The following SPAG16 variants were observed in gnomAD, a reference collection of about 807,000 sequenced individuals.
The protein encoded by SPAG16 is sperm associated antigen 16.
Under a neutral mutation model 80.4 loss-of-function variants are expected in SPAG16, and 86 were observed. That is an observed-to-expected ratio of 1.07 (90% CI 0.90 to 1.28). SPAG16 has a LOEUF of 1.28. SPAG16 is among the 50% of genes most tolerant of loss of function. The probability of loss-of-function intolerance (pLI) is 0.00; values close to 1 mark genes in which losing one functional copy is unlikely to be tolerated. For synonymous variants in SPAG16, 294 were observed against 265.9 expected (o/e 1.11, Z -1.03); for missense variants, 870 against 765.3 (o/e 1.14, Z -1.61).
At chr2:214,170,526 G>T (rs1228425358) in intron 15 of SPAG16, among the ~76,000 whole-genome samples, 1 of 151,888 alleles carries the variant, frequency 6.6e-6, no homozygotes, top group Non-Finnish European at 1.5e-5. Context: ...GTCCCTTGCT[G>T]GGTTGTATAT....
At chr2:213,689,527 GCTTTTTTT>G (rs2064844718) in intron 10 of SPAG16, among the ~76,000 whole-genome samples, 1 of 116,700 alleles carries the variant, frequency 8.6e-6, no homozygotes, top group Non-Finnish European at 1.7e-5. Flanking sequence ...TAGTGCTGGG[GCTTTTTTT>G]TTTTTTTTTT....
At chr2:214,182,747 A>G (rs578040272) in intron 15 of SPAG16, among the ~76,000 whole-genome samples, 1 of 152,056 alleles carries the variant, frequency 6.6e-6, no homozygotes, top group South Asian at 2.1e-4. Flanking sequence ...CTTGCTCTGT[A>G]TTTTAGCAAT....
intron 10 of SPAG16, among the ~76,000 whole-genome samples, chr2:213,551,056 T>C (rs879625228): frequency 3.3e-4 from 50 of 152,182 alleles, no homozygotes; most frequent in Admixed American, 3.9e-4. Flanking sequence ...ACCGTAATAG[T>C]CAGAGATTTG....
At chr2:214,197,668 TA>T (rs1234731912) in intron 15 of SPAG16, among the ~76,000 whole-genome samples, 1 of 151,972 alleles carries the variant, frequency 6.6e-6, no homozygotes, top group East Asian at 1.9e-4. Context: ...CTTTTAGAGG[TA>T]TTTTCTCAGA....
At chr2:213,715,490 G>T (rs909116939) in intron 10 of SPAG16, among the ~76,000 whole-genome samples, 3 of 152,128 alleles carry the variant, frequency 2.0e-5, no homozygotes, top group African/African-American at 7.2e-5. Flanking sequence ...AATAGCTTGG[G>T]TTCTAGCACC....
intron 9 of SPAG16, among the ~76,000 whole-genome samples, chr2:213,438,690 T>A (rs990216832): frequency 6.6e-6 from 1 of 152,212 alleles, no homozygotes; most frequent in Non-Finnish European, 1.5e-5. Context: ...TATGACGAGA[T>A]GGTACTCCTG....
At chr2:214,329,951 G>T (rs1696786328) in intron 15 of SPAG16, among the ~76,000 whole-genome samples, 2 of 151,948 alleles carry the variant, frequency 1.3e-5, no homozygotes, top group Admixed American at 1.3e-4. Context: ...GATTAAAGAG[G>T]CCAGAAAGTA....
chr2:213,997,125 G>T (rs1338989207), intron 12 of SPAG16, among the ~76,000 whole-genome samples: 1 of 152,068 alleles, frequency 6.6e-6, no homozygotes, highest in Non-Finnish European at 1.5e-5. Context: ...GGAAGTTCAA[G>T]CTAGGTTTAA....
intron 11 of SPAG16, among the ~76,000 whole-genome samples, chr2:213,921,970 G>T (rs2078244754): frequency 6.6e-6 from 1 of 151,952 alleles, no homozygotes; most frequent in African/African-American, 2.4e-5. Context: ...TCATTCATTT[G>T]GACCTTGGAG....
At chr2:214,380,052 C>G (rs569670096) in intron 15 of SPAG16, among the ~76,000 whole-genome samples, 1 of 152,264 alleles carries the variant, frequency 6.6e-6, no homozygotes, top group Non-Finnish European at 1.5e-5. Flanking sequence ...GACATAGTGC[C>G]TGACCCCTGG....
intron 10 of SPAG16, among the ~76,000 whole-genome samples, chr2:213,636,900 A>C: frequency 6.6e-6 from 1 of 152,122 alleles, no homozygotes; most frequent in Non-Finnish European, 1.5e-5. Context: ...AATTGGCAAA[A>C]AGTGACAATT....
chr2:213,577,954 C>T (rs1200236819), intron 10 of SPAG16, among the ~76,000 whole-genome samples: 1 of 152,022 alleles, frequency 6.6e-6, no homozygotes, highest in East Asian at 1.9e-4. Flanking sequence ...GAGGAACTTC[C>T]TCTGCTTGCA....
intron 8 of SPAG16, among the ~76,000 whole-genome samples, chr2:213,366,448 A>C (rs1294233101): frequency 6.6e-6 from 1 of 152,198 alleles, no homozygotes; most frequent in Non-Finnish European, 1.5e-5. Flanking sequence ...ATGGACTCAC[A>C]GTTCCACATA....
chr2:214,388,008 T>C (rs1372373820), intron 15 of SPAG16, among the ~76,000 whole-genome samples: 2 of 152,176 alleles, frequency 1.3e-5, no homozygotes, highest in South Asian at 2.1e-4. Flanking sequence ...CTACTATTGC[T>C]ATATTTTTAA....
chr2:213,453,667 C>A (rs1398340696), intron 9 of SPAG16, among the ~76,000 whole-genome samples: 1 of 152,164 alleles, frequency 6.6e-6, no homozygotes, highest in Non-Finnish European at 1.5e-5. Context: ...TAGAATGAAG[C>A]CCAGTTTCTG....
At chr2:213,566,938 C>T (rs1218649208) in intron 10 of SPAG16, among the ~76,000 whole-genome samples, 2 of 152,164 alleles carry the variant, frequency 1.3e-5, no homozygotes, top group Non-Finnish European at 2.9e-5. Flanking sequence ...GACTCTAGCA[C>T]TTAATTTTCT....
chr2:213,636,787 T>C (rs1315042113), intron 10 of SPAG16, among the ~76,000 whole-genome samples: 1 of 152,246 alleles, frequency 6.6e-6, no homozygotes, highest in Non-Finnish European at 1.5e-5. Flanking sequence ...ATGCTACTGA[T>C]TTGTGTACAT....
chr2:214,029,712 C>T (rs60205580), intron 13 of SPAG16, among the ~76,000 whole-genome samples: 38,575 of 151,988 alleles, frequency 0.25, 5,343 homozygotes, highest in Non-Finnish European at 0.3. Flanking sequence ...CTATGCCTTT[C>T]CCTACTAATT....
chr2:214,173,366 G>A lies in SPAG16; in HGVS notation c.1720+24100G>A, dbSNP rs868495043. On this transcript the variant is annotated intron_variant, in intron 15 of 15. Coordinates refer to ENST00000331683, the MANE Select transcript of SPAG16 (RefSeq NM_024532.5). ...TTATTAAATAGGGAATCCTTTCCCCGTTGCTTGTTTTTGTCAGGTTTGTCA... is the reference window on the plus strand; with the variant it reads ...TTATTAAATAGGGAATCCTTTCCCCATTGCTTGTTTTTGTCAGGTTTGTCA... Among the ~76,000 whole-genome samples, 1,359 of 151,878 alleles carry A rather than the reference G, an allele frequency of 8.9e-3. 18 individuals carry two copies. The highest frequency in any genetic ancestry group is 0.03 in the African/African-American group (1,252 of 41,450).
Sources: allele counts gnomAD v4.1 joint callset (sites outside exome capture counted in the v4.1 genomes callset), GRCh38; gene constraint gnomAD v4.1.1; transcripts MANE v1.5; gene names NCBI Gene and HGNC (gene_info 2026-07-23, HGNC 2026-07-21).